Variants in TNFRSF11A observed in about 807,000 individuals in gnomAD.
The protein encoded by TNFRSF11A is TNF receptor superfamily member 11a.
TNFRSF11A carries 32 observed loss-of-function variants against 55.7 expected under a neutral mutation model. The observed-to-expected ratio is 0.57, with a 90% CI of 0.43 to 0.77. The LOEUF (loss-of-function observed/expected upper bound fraction) is 0.77. Ranked by LOEUF, TNFRSF11A falls within the 30% of genes least tolerant of loss-of-function variation. The pLI is 0.00. For synonymous variants in TNFRSF11A, 311 were observed against 331.0 expected (o/e 0.94, Z 0.65); for missense variants, 753 against 809.8 (o/e 0.93, Z 0.85).
chr18:62,372,254 C>A (rs937201325), intron 9 of TNFRSF11A, among the ~76,000 whole-genome samples: 1 of 152,208 alleles, frequency 6.6e-6, no homozygotes, highest in Admixed American at 6.5e-5. Flanking sequence ...TAATTTAGGT[C>A]TGAAGTTACG....
intron 1 of TNFRSF11A, among the ~76,000 whole-genome samples, chr18:62,340,849 C>T (rs954402675): frequency 1.3e-5 from 2 of 152,208 alleles, no homozygotes; most frequent in Non-Finnish European, 2.9e-5. Flanking sequence ...GGGTGTGCCA[C>T]GTGATCCAGC....
intron 3 of TNFRSF11A, among the ~76,000 whole-genome samples, chr18:62,351,338 T>A (rs982121914): frequency 3.9e-5 from 6 of 152,228 alleles, no homozygotes; most frequent in African/African-American, 1.4e-4. Context: ...TAGATCAATT[T>A]CTTATAAATT....
intron 3 of TNFRSF11A, among the ~76,000 whole-genome samples, chr18:62,351,754 G>A (rs1035065002): frequency 2.0e-5 from 3 of 152,186 alleles, no homozygotes; most frequent in Non-Finnish European, 1.5e-5. Flanking sequence ...ATATTATGGA[G>A]CTATTTGAGG....
chr18:62,385,025 CAAGGCT>C lies in TNFRSF11A; in HGVS notation c.1843_1848del (p.Lys615_Ala616del). 6.8e-7 allele frequency: 1 copy of C among 1,480,398 alleles called. No homozygotes were observed. Among genetic ancestry groups the C allele is most frequent in the Non-Finnish European group, 8.9e-7 (1 of 1,124,738 alleles). The allele number at this position is 1,480,398 out of a possible 1,614,324, so 91.7% of individuals were successfully genotyped here. On this transcript the variant is annotated inframe_deletion, in exon 10 of 10. Coordinates refer to ENST00000586569, the MANE Select transcript of TNFRSF11A (RefSeq NM_003839.4). ...GGCCGGTGCAGGAGCAAGGCGGGGC[CAAGGCT>C]TGAGCGCCCCCCATGGCTGGGAGCC...
chr18:62,353,298 C>T (rs1568481644), intron 3 of TNFRSF11A, among the ~76,000 whole-genome samples: 1 of 152,210 alleles, frequency 6.6e-6, no homozygotes, highest in Non-Finnish European at 1.5e-5. Flanking sequence ...TCATGGCCAA[C>T]AGCACTGTAA....
In TNFRSF11A at chr18:62,344,292, G is replaced by A. The variant is rs565293079; in HGVS notation, c.76-3876G>A. On this transcript the variant is annotated intron_variant, in intron 1 of 9. Coordinates refer to ENST00000586569, the MANE Select transcript of TNFRSF11A (RefSeq NM_003839.4). ...AGTATTTCTGCTTTATTTGCTTCATGAAGACAACTGCGATTCCAAAGCTTT... is the reference window on the plus strand; with the variant it reads ...AGTATTTCTGCTTTATTTGCTTCATAAAGACAACTGCGATTCCAAAGCTTT... Among the ~76,000 whole-genome samples the A allele has an allele frequency of 2.6e-5, 4 of 152,322 alleles. No individual in the cohort carries two copies. In the South Asian group the frequency reaches 8.3e-4, roughly 32 times the overall value.
chr18:62,335,849 T>C (rs2046225041), intron 1 of TNFRSF11A, among the ~76,000 whole-genome samples: 1 of 152,184 alleles, frequency 6.6e-6, no homozygotes, highest in Admixed American at 6.5e-5. Context: ...GAGGTTACAG[T>C]GGTCTTTGAG....
At chr18:62,333,503 C>T (rs1333646967) in intron 1 of TNFRSF11A, among the ~76,000 whole-genome samples, 1 of 152,220 alleles carries the variant, frequency 6.6e-6, no homozygotes, top group African/African-American at 2.4e-5. Context: ...CTGTTGAACC[C>T]CTCCTGTGTG....
intron 1 of TNFRSF11A, among the ~76,000 whole-genome samples, chr18:62,341,040 C>T (rs1036881979): frequency 3.9e-5 from 6 of 152,224 alleles, no homozygotes; most frequent in African/African-American, 4.8e-5. Context: ...TTCTATCTGC[C>T]GAGCTTATTT....
At chr18:62,382,151 A>C (rs1424796461) in intron 9 of TNFRSF11A, among the ~76,000 whole-genome samples, 2 of 112,676 alleles carry the variant, frequency 1.8e-5, no homozygotes, top group East Asian at 2.9e-4. Flanking sequence ...CTTGCACTCC[A>C]CCCAGGCTGG....
intron 1 of TNFRSF11A, among the ~76,000 whole-genome samples, chr18:62,340,840 G>C (rs995480121): frequency 1.3e-5 from 2 of 152,080 alleles, no homozygotes; most frequent in Admixed American, 6.5e-5. Flanking sequence ...ACACCCATGG[G>C]GTGTGCCACG....
chr18:62,371,951 A>G (rs1459084406), intron 9 of TNFRSF11A, among the ~76,000 whole-genome samples: 4 of 151,830 alleles, frequency 2.6e-5, no homozygotes, highest in African/African-American at 9.7e-5. Flanking sequence ...TTTTTATATG[A>G]GAGGATTTTT....
chr18:62,326,513 T>C (rs1448093317), intron 1 of TNFRSF11A, among the ~76,000 whole-genome samples: 1 of 152,202 alleles, frequency 6.6e-6, no homozygotes, highest in Non-Finnish European at 1.5e-5. Context: ...CTTAATTAAG[T>C]GTTCAACAGG....
At chr18:62,345,017 A>T (rs1873847836) in intron 1 of TNFRSF11A, among the ~76,000 whole-genome samples, 1 of 152,226 alleles carries the variant, frequency 6.6e-6, no homozygotes, top group Non-Finnish European at 1.5e-5. Flanking sequence ...CAAGGGGACA[A>T]GTCGGTCAAT....
rs767972380 is a variant in TNFRSF11A, at chr18:62,354,472, A to G, written c.365A>G (p.Gln122Arg). 7 of 1,601,430 alleles carry G rather than the reference A, an allele frequency of 4.4e-6. 1 individual carries two copies. The African/African-American group carries it at 5.3e-5, about 12-fold the overall frequency. ...TGCACGGCTGGGTACCACTGGAGCCAGGACTGCGAGTGCTGCCGCCGCAAC... is the reference window on the plus strand; with the variant it reads ...TGCACGGCTGGGTACCACTGGAGCCGGGACTGCGAGTGCTGCCGCCGCAAC... Reference protein sequence around the residue: ...CACTAGYHWSQDCECCRRNTE... With the variant: ...CACTAGYHWSRDCECCRRNTE... Residue 122 changes from glutamine (Q) to arginine (R), a missense_variant, in exon 4 of 10, where the codon CAG (glutamine) becomes CGG (arginine). By Grantham distance (43) the Gln-to-Arg change is conservative. Around this residue, in one of 3 missense-constraint regions of TNFRSF11A, gnomAD observed 30 missense variants for 58.0 expected, o/e 0.52. Transcript: ENST00000586569.
At chr18:62,380,369 A>G (rs1045408453) in intron 9 of TNFRSF11A, among the ~76,000 whole-genome samples, 3 of 152,100 alleles carry the variant, frequency 2.0e-5, no homozygotes, top group African/African-American at 7.2e-5. Flanking sequence ...CACTTGAAGA[A>G]TAAACTTGTT....
At position 62,384,940 on chromosome 18, in the gene TNFRSF11A, C is replaced by A. The variant is rs1222597099; in HGVS notation, c.1757C>A (p.Pro586Gln). Residue 586 changes from proline to glutamine, a missense_variant, in exon 10 of 10, where the codon CCG becomes CAG. Coordinates refer to ENST00000586569, the MANE Select transcript of TNFRSF11A (RefSeq NM_003839.4). ...ARRDSFAGNGPRFPDPCGGPE... is the reference protein window; with the variant it reads ...ARRDSFAGNGQRFPDPCGGPE... ...CGAGACTCCTTCGCGGGGAACGGCC[C>A]GCGCTTCCCGGACCCGTGCGGCGGC... 2 of 1,539,142 alleles carry A rather than the reference C, an allele frequency of 1.3e-6. No homozygotes were observed. Among genetic ancestry groups the A allele is most frequent in the East Asian group, 4.9e-5 (2 of 40,928 alleles).
intron 6 of TNFRSF11A, among the ~76,000 whole-genome samples, chr18:62,361,139 A>G (rs1909654728): frequency 6.6e-6 from 1 of 152,212 alleles, no homozygotes; most frequent in Admixed American, 6.5e-5. Flanking sequence ...ATGTAAATCA[A>G]GAGTTTTGAG....
At chr18:62,331,288 G>T (rs2046149762) in intron 1 of TNFRSF11A, among the ~76,000 whole-genome samples, 1 of 152,130 alleles carries the variant, frequency 6.6e-6, no homozygotes, top group African/African-American at 2.4e-5. Context: ...GGCTGTTTGG[G>T]TTATATTTTT....
Sources: gnomAD v4.1 joint callset for allele counts (sites outside exome capture counted in the v4.1 genomes callset) on GRCh38, gnomAD v4.1.1 for gene constraint, gnomAD v4.1.1 regional missense constraint, MANE v1.5 for transcripts, NCBI Gene and HGNC (gene_info 2026-07-23, HGNC 2026-07-21) for gene names.